The following ANLN variants were observed in gnomAD, a reference collection of about 807,000 sequenced individuals.
ANLN encodes the protein anillin.
In ANLN, 59 loss-of-function variants were observed where a neutral mutation model predicts 135.1. That is an observed-to-expected ratio of 0.44 (90% CI 0.35 to 0.54). ANLN has a LOEUF of 0.54. ANLN is among the 20% of genes least tolerant of loss of function. ANLN has a pLI of 0.00. For synonymous variants in ANLN, 406 were observed against 456.4 expected (o/e 0.89, Z 1.41); for missense variants, 1,182 against 1,340.0 (o/e 0.88, Z 1.84).
chr7:36,419,099 T>G, intron 9 of ANLN, 145 bp from the exon 10 acceptor site: 1 of 583,432 alleles, frequency 1.7e-6, no homozygotes, highest in Non-Finnish European at 3.0e-6. Flanking sequence ...ATTAGTAGTA[T>G]TTTCTTATTT....
Position 36,417,004 on chromosome 7 carries a change from ACAC to A in ANLN, c.1523-75_1523-73del, listed in dbSNP as rs1441358234. On this transcript the variant is annotated intron_variant, in intron 8 of 23. Coordinates refer to ENST00000265748, the MANE Select transcript of ANLN (RefSeq NM_018685.5). ...ATAGTTTTATAATCAGAAAAAAAAAACACACACAAGATTCCATAATTAGAAAAT... is the reference window on the plus strand; with the variant it reads ...ATAGTTTTATAATCAGAAAAAAAAAAACACAAGATTCCATAATTAGAAAAT... 4.7e-5 allele frequency: 32 copies of A among 681,172 alleles called. No homozygotes were observed. In the Middle Eastern group the frequency reaches 2.3e-3, roughly 49 times the overall value. The allele number at this position is 681,172 out of a possible 1,614,324, so 42.2% of individuals were successfully genotyped here.
At chr7:36,445,312 A>AT (rs1788953458) in intron 22 of ANLN, among the ~76,000 whole-genome samples, 1 of 151,552 alleles carries the variant, frequency 6.6e-6, no homozygotes, top group Admixed American at 6.6e-5. Flanking sequence ...AAAGTTTTGG[A>AT]TTTTGGAGCA....
At chr7:36,428,713 A>C (rs1277755832) in intron 20 of ANLN, among the ~76,000 whole-genome samples, 1 of 151,764 alleles carries the variant, frequency 6.6e-6, no homozygotes, top group Non-Finnish European at 1.5e-5. Context: ...AAAACTAAAA[A>C]TTATTCAATA....
In ANLN at chr7:36,417,189, T is replaced by C. The variant is rs201617718; in HGVS notation, c.1632T>C (p.Ile544=). 1.3e-5 allele frequency: 21 copies of C among 1,573,916 alleles called. No homozygotes were observed. The Admixed American group carries it at 2.2e-4, about 16-fold the overall frequency. The change falls in exon 9 of 24, where the codon ATT becomes ATC. Residue 544 remains isoleucine, a splice_region_variant and synonymous_variant. Transcript: ENST00000265748. The stretch of plus-strand genomic sequence containing the variant: ...CAGACCCAAAGGTTGAGCAGAAAAT[T>C]GGTTGGTTTTTATTCTTTATTTATT... ...VTSDPKVEQK[I]EVIREIEMSV... is the part of the protein sequence containing the mutation.
rs191463158 is a variant in ANLN, at chr7:36,396,285, G to C, written c.38G>C (p.Arg13Pro). The change falls in exon 2 of 24, where the codon CGT becomes CCT. Residue 13 changes from arginine to proline, a missense_variant. Arg to Pro is a moderately radical substitution (Grantham distance 103). This residue lies in a region of ANLN where 1,022 missense variants were observed against 1,134.0 expected (regional missense o/e 0.90). Transcript: ENST00000265748. The part of the protein sequence containing the change: ...PFTEKLLERT[R>P]ARRENLQRKM... ...ATGTAGAAACTGCTGGAGCGAACCC[G>C]TGCCAGGCGAGAGAATCTTCAGAGA... The C allele has an allele frequency of 6.2e-7, 1 of 1,605,256 alleles. No homozygotes were observed. Among genetic ancestry groups the C allele is most frequent in the Non-Finnish European group, 8.5e-7 (1 of 1,173,844 alleles).
At chr7:36,447,511 G>C (rs188542485) in intron 22 of ANLN, among the ~76,000 whole-genome samples, 82 of 137,720 alleles carry the variant, frequency 6.0e-4, no homozygotes, top group Admixed American at 1.9e-3. Flanking sequence ...TGCAAGCACC[G>C]CCTCCCGGGT....
intron 20 of ANLN, 113 bp downstream of exon 20, chr7:36,427,141 T>TA (rs1182366454): frequency 1.5e-6 from 1 of 670,572 alleles, no homozygotes; most frequent in East Asian, 2.9e-5. Context: ...ACTGAAAACA[T>TA]ATGTTCTTAG....
chr7:36,392,350 A>G (rs1786512115), intron 1 of ANLN, among the ~76,000 whole-genome samples: 1 of 152,116 alleles, frequency 6.6e-6, no homozygotes, highest in Admixed American at 6.6e-5. Flanking sequence ...TATTGAGTCT[A>G]CTGTGTTAAA....
chr7:36,423,957 G>T lies in ANLN; in HGVS notation c.2603+14G>T. On this transcript the variant is annotated intron_variant, in intron 15 of 23. Coordinates refer to ENST00000265748, the MANE Select transcript of ANLN (RefSeq NM_018685.5). The stretch of plus-strand genomic sequence containing the variant: ...TACATTTACTCTGTAAGTAAATCAG[G>T]CTTTTGATGATTCGAATGCATTTTT... 1.3e-6 allele frequency: 2 copies of T among 1,598,798 alleles called. No homozygotes were observed. The highest frequency in any genetic ancestry group is 1.7e-6 in the Non-Finnish European group (2 of 1,173,458).
intron 18 of ANLN, 26 bp from the exon 19 acceptor site, chr7:36,425,989 C>T (rs751507639): frequency 5.5e-6 from 8 of 1,464,264 alleles, no homozygotes; most frequent in Admixed American, 2.4e-5. Context: ...TATGTTTCTT[C>T]TTCACACCTT....
chr7:36,431,606 TATATATATATA>T (rs1272574303), intron 20 of ANLN, among the ~76,000 whole-genome samples: 16,464 of 51,966 alleles, frequency 0.32, 1,384 homozygotes, highest in Non-Finnish European at 0.42. Context: ...TGTATATATA[TATATATATATA>T]ATATATATAT....
At chr7:36,405,656 C>T (rs1037137127) in intron 3 of ANLN, among the ~76,000 whole-genome samples, 2 of 152,162 alleles carry the variant, frequency 1.3e-5, no homozygotes, top group African/African-American at 4.8e-5. Context: ...TGATCTAACC[C>T]TATGCTATCC....
intron 21 of ANLN, among the ~76,000 whole-genome samples, chr7:36,442,818 G>C (rs1217514085): frequency 6.6e-5 from 10 of 151,900 alleles, no homozygotes; most frequent in Admixed American, 5.9e-4. Flanking sequence ...TTTTAGTAGA[G>C]ATGGGATTTC....
At chr7:36,404,089 G>C (rs1359838027) in intron 3 of ANLN, among the ~76,000 whole-genome samples, 1 of 152,146 alleles carries the variant, frequency 6.6e-6, no homozygotes, top group East Asian at 1.9e-4. Flanking sequence ...CCCTGCCTCA[G>C]CCTCCCGAAT....
chr7:36,420,983 A>G (rs192411790), intron 12 of ANLN, among the ~76,000 whole-genome samples: 116 of 152,352 alleles, frequency 7.6e-4, no homozygotes, highest in African/African-American at 2.6e-3. Context: ...CAAGTTTTTC[A>G]TAAATATCCT....
rs550246145 is a variant in ANLN, at chr7:36,411,295, A to G, written c.1395+129A>G. The G allele has an allele frequency of 2.1e-5, 15 of 701,458 alleles. No individual in the cohort carries two copies. In the African/African-American group the frequency reaches 2.5e-4, roughly 12 times the overall value. 43.5% of individuals were successfully genotyped at this position (701,458 alleles called of 1,614,324 possible). A position where few individuals can be genotyped will look rare whatever the true frequency, so the allele number is the denominator to read the frequency against. On this transcript the variant is annotated intron_variant, in intron 7 of 23. Transcript: ENST00000265748. ...CAATTAACTCTGTCACTTTTCGTTT[A>G]TAAATCCCTTAAATGTGTGTACCAA... is the stretch of plus-strand genomic sequence containing the variant.
intron 20 of ANLN, among the ~76,000 whole-genome samples, chr7:36,434,081 C>T (rs1482586203): frequency 6.6e-6 from 1 of 152,044 alleles, no homozygotes; most frequent in Non-Finnish European, 1.5e-5. Flanking sequence ...AATTTTTTAA[C>T]TGTAGGCCAG....
In ANLN at chr7:36,426,982, C is replaced by T. The variant is rs1788105615; in HGVS notation, c.2837C>T (p.Thr946Ile). The change falls in exon 20 of 24, where the codon ACA becomes ATA. Residue 946 changes from threonine (T) to isoleucine (I), a missense_variant. Around this residue, in one of 3 missense-constraint regions of ANLN, gnomAD observed 1,022 missense variants for 1,134.0 expected, o/e 0.90. Transcript: ENST00000265748. ...TSNFALVGSY[T>I]LSLSSVGNTK... is the part of the protein sequence containing the mutation. The stretch of plus-strand genomic sequence containing the variant: ...AACTTCGCCCTTGTTGGATCTTACA[C>T]ATTATCATTGTCTTCAGTAGGAAAT... 1 of 1,613,370 alleles carries T rather than the reference C, an allele frequency of 6.2e-7. No homozygotes were observed. Among genetic ancestry groups the T allele is most frequent in the Non-Finnish European group, 8.5e-7 (1 of 1,179,696 alleles).
At chr7:36,404,407 C>T (rs1301730332) in intron 3 of ANLN, among the ~76,000 whole-genome samples, 2 of 152,186 alleles carry the variant, frequency 1.3e-5, no homozygotes, top group Non-Finnish European at 2.9e-5. Context: ...ATCATTCACA[C>T]CATCTTTCTG....
Sources: allele counts gnomAD v4.1 joint callset (sites outside exome capture counted in the v4.1 genomes callset), GRCh38; gene constraint gnomAD v4.1.1; regional missense constraint gnomAD v4.1.1; transcripts MANE v1.5; gene names NCBI Gene and HGNC (gene_info 2026-07-23, HGNC 2026-07-21).